The following ZNF225 variants were observed in gnomAD, a reference collection of about 807,000 sequenced individuals.
ZNF225 encodes zinc finger protein 225.
In ZNF225, 6 loss-of-function variants were observed where a neutral mutation model predicts 12.0. The ratio of observed to expected loss-of-function variants is 0.50; its 90% CI spans 0.27 to 0.98. The LOEUF (loss-of-function observed/expected upper bound fraction) is 0.98, where lower values mean the gene tolerates loss of function less well. Among genes scored for constraint, ZNF225 ranks in the 50% least tolerant of loss-of-function variants. ZNF225 has a pLI of 0.11. For missense variants in ZNF225, 763 were observed against 848.2 expected (o/e 0.90, Z 1.25); for synonymous variants, 271 against 283.2 (o/e 0.96, Z 0.43).
chr19:44,133,878 A>AGAT lies in ZNF225; in HGVS notation c.*1144_*1146dup, dbSNP rs1327445528. ...TGATTTTTATAATCAAATCTACTAG[A>AGAT]GATAGATTTGATTTTTATAATCAAA... On this transcript the variant is annotated 3_prime_UTR_variant, in exon 5 of 5. Coordinates refer to ENST00000262894, the MANE Select transcript of ZNF225 (RefSeq NM_013362.4). The AGAT allele has an allele frequency of 2.0e-5, 3 of 147,966 alleles. No individual in the cohort carries two copies. Among genetic ancestry groups the AGAT allele is most frequent in the Non-Finnish European group, 4.5e-5 (3 of 66,428 alleles). 9.2% of individuals were successfully genotyped at this position (147,966 alleles called of 1,614,324 possible).
rs1482949341 is a variant in ZNF225, at chr19:44,118,236, C to T, written c.64C>T (p.Leu22=). The T allele has an allele frequency of 1.8e-5, 29 of 1,613,192 alleles. No individual in the cohort carries two copies. The highest frequency in any genetic ancestry group is 2.1e-5 in the Non-Finnish European group (25 of 1,179,652). The change falls in exon 3 of 5, where the codon CTG becomes TTG. Residue 22 remains leucine (L), a synonymous_variant. Coordinates refer to ENST00000262894, the MANE Select transcript of ZNF225 (RefSeq NM_013362.4). ...GGCTGTGGTCTTCACTGAGGAAGAG[C>T]TGAGGCTGCTGGACCTTGCCCAGAG... The part of the protein sequence containing the change: ...DVAVVFTEEE[L]RLLDLAQRKL...
At chr19:44,112,897 T>C (rs1211270595), upstream of ZNF225, 1 of 152,248 alleles carries the variant, frequency 6.6e-6, no homozygotes, top group South Asian at 2.1e-4. Context: ...ACTCCTGTTA[T>C]CATTGGAGGC....
upstream of ZNF225, chr19:44,112,370 T>G (rs1967849618): frequency 6.6e-6 from 1 of 152,172 alleles, no homozygotes; most frequent in Admixed American, 6.5e-5. Flanking sequence ...GGGGCTGCTT[T>G]TCATTAAAAA....
At chr19:44,120,391 G>T (rs573935603) in intron 4 of ZNF225, among the ~76,000 whole-genome samples, 1 of 152,144 alleles carries the variant, frequency 6.6e-6, no homozygotes, top group Non-Finnish European at 1.5e-5. Context: ...TATTGTTCTG[G>T]TACATGGCAG....
upstream of ZNF225, among the ~76,000 whole-genome samples, chr19:44,112,640 T>G (rs966315006): frequency 4.8e-4 from 73 of 152,212 alleles, no homozygotes; most frequent in Admixed American, 4.8e-3. Context: ...AATGTTAATA[T>G]GAGTATGTAA....
At position 44,134,800 on chromosome 19, in the gene ZNF225, T is replaced by C. The variant is rs1375292723; in HGVS notation, c.*2065T>C. On this transcript the variant is annotated 3_prime_UTR_variant, in exon 5 of 5. Coordinates refer to ENST00000262894, the MANE Select transcript of ZNF225 (RefSeq NM_013362.4). ...CCAACCACGCTGAATATTAAATACC[T>C]AGTTCTATATCTAGTACCCTGAGCT... The C allele has an allele frequency of 6.6e-6, 1 of 152,238 alleles. No homozygotes were observed. The highest frequency in any genetic ancestry group is 2.4e-5 in the African/African-American group (1 of 41,462). The allele number at this position is 152,238 out of a possible 1,614,324, so 9.4% of individuals were successfully genotyped here. A position where few individuals can be genotyped will look rare whatever the true frequency, so the allele number is the denominator to read the frequency against.
chr19:44,130,953 G>C lies in ZNF225; in HGVS notation c.339G>C (p.Arg113Ser). The C allele has an allele frequency of 6.2e-7, 1 of 1,614,084 alleles. No individual in the cohort carries two copies. Among genetic ancestry groups the C allele is most frequent in the Non-Finnish European group, 8.5e-7 (1 of 1,180,006 alleles). ...AACAAATTTCAAGTGACTTAACCAG[G>C]TTTCAAGACTCCATGGTAAACAGCT... ...TWEQISSDLT[R>S]FQDSMVNSFQ... Residue 113 changes from arginine to serine, a missense_variant, in exon 5 of 5, where the codon AGG becomes AGC. Physicochemically the swap from Arg to Ser is moderately radical, Grantham distance 110. Transcript: ENST00000262894.
chr19:44,114,780 G>A (rs761818665), intron 1 of ZNF225, among the ~76,000 whole-genome samples: 12 of 152,192 alleles, frequency 7.9e-5, no homozygotes, highest in Non-Finnish European at 1.2e-4. Context: ...CAAAGTGTGG[G>A]ATTACAGGCA....
chr19:44,127,523 C>CGAT (rs1968173116), intron 4 of ZNF225, among the ~76,000 whole-genome samples: 1 of 152,186 alleles, frequency 6.6e-6, no homozygotes, highest in African/African-American at 2.4e-5. Context: ...CACTGTCCGT[C>CGAT]TGAGTTGGAG....
upstream of ZNF225, chr19:44,113,037 C>T (rs1967861242): frequency 6.6e-6 from 1 of 152,246 alleles, no homozygotes; most frequent in South Asian, 2.1e-4. Flanking sequence ...GATTCGTTCC[C>T]AGTGGGCACC....
intron 4 of ZNF225, among the ~76,000 whole-genome samples, chr19:44,121,208 G>A (rs1452760225): frequency 2.0e-5 from 3 of 152,088 alleles, no homozygotes; most frequent in Non-Finnish European, 4.4e-5. Context: ...TTGCATCCTC[G>A]TAGGTTAGCT....
rs916492533 is a variant in ZNF225 at position 44,132,778 on chromosome 19, A to G, written c.*43A>G. 16 of 1,422,904 alleles carry G rather than the reference A, an allele frequency of 1.1e-5. No individual in the cohort carries two copies. The highest frequency in any genetic ancestry group is 4.6e-4 in the Middle Eastern group (2 of 4,338). 88.1% of individuals were successfully genotyped at this position (1,422,904 alleles called of 1,614,324 possible). The stretch of plus-strand genomic sequence containing the variant: ...GGGGTACAGTGTGATAGTTAATGCA[A>G]GTATACAATGTGTAATGATCAAATC... On this transcript the variant is annotated 3_prime_UTR_variant, in exon 5 of 5. Coordinates refer to ENST00000262894, the MANE Select transcript of ZNF225 (RefSeq NM_013362.4).
chr19:44,127,404 C>A (rs933516680), intron 4 of ZNF225, among the ~76,000 whole-genome samples: 1 of 152,176 alleles, frequency 6.6e-6, no homozygotes, highest in Non-Finnish European at 1.5e-5. Context: ...CAGGGTCCTG[C>A]AGGAGCAGTC....
rs1378742039 is a variant in ZNF225 at position 44,131,791 on chromosome 19, G to A, written c.1177G>A (p.Val393Ile). The change falls in exon 5 of 5, where the codon GTC (valine) becomes ATC (isoleucine). Residue 393 changes from valine (V) to isoleucine (I), a missense_variant. Transcript: ENST00000262894. ...CTCAGGTCTTTCAAGACATGTGCGAGTCCACAGTGGAGAGACAACATTCAA... is the reference window on the plus strand; with the variant it reads ...CTCAGGTCTTTCAAGACATGTGCGAATCCACAGTGGAGAGACAACATTCAA... ...WASGLSRHVRVHSGETTFKCE... is the reference protein window; with the variant it reads ...WASGLSRHVRIHSGETTFKCE... 1 of 1,614,022 alleles carries A rather than the reference G, an allele frequency of 6.2e-7. No homozygotes were observed. The highest frequency in any genetic ancestry group is 2.2e-5 in the East Asian group (1 of 44,882).
intron 4 of ZNF225, among the ~76,000 whole-genome samples, chr19:44,127,659 A>C (rs1332617461): frequency 6.6e-6 from 1 of 151,732 alleles, no homozygotes; most frequent in Non-Finnish European, 1.5e-5. Flanking sequence ...ATTTTATTTT[A>C]TTTTTTGAGA....
chr19:44,112,296 T>C (rs1967847740), upstream of ZNF225: 1 of 152,148 alleles, frequency 6.6e-6, no homozygotes, highest in South Asian at 2.1e-4. Flanking sequence ...GCACAACTGC[T>C]GGTATCTATG....
At chr19:44,118,127 C>CAGTGATG in intron 2 of ZNF225, 61 bp from the exon 3 acceptor site, 1 of 1,565,862 alleles carries the variant, frequency 6.4e-7, no homozygotes, top group Non-Finnish European at 8.6e-7. Context: ...CTGCTCAGTG[C>CAGTGATG]CACCCCTCTC....
intron 4 of ZNF225, 118 bp downstream of exon 4, chr19:44,118,692 C>T (rs1465876138): frequency 1.2e-5 from 13 of 1,046,930 alleles, no homozygotes; most frequent in African/African-American, 3.3e-5. Flanking sequence ...TGAATTATTA[C>T]AGCTGACTTT....
At position 44,115,774 on chromosome 19, in the gene ZNF225, T is replaced by C; in HGVS notation, c.-54T>C. 1.3e-6 allele frequency: 2 copies of C among 1,567,570 alleles called. No homozygotes were observed. The highest frequency in any genetic ancestry group is 1.7e-6 in the Non-Finnish European group (2 of 1,156,048). The stretch of plus-strand genomic sequence containing the variant: ...GTACTTTCCAGGCAGGATTCTGCTT[T>C]CCCTTGGACTGTATCACTCAGGACT... On this transcript the variant is annotated 5_prime_UTR_variant, in exon 2 of 5. Transcript: ENST00000262894.
Sources: gnomAD v4.1 joint callset for allele counts (sites outside exome capture counted in the v4.1 genomes callset) on GRCh38, gnomAD v4.1.1 for gene constraint, MANE v1.5 for transcripts, NCBI Gene and HGNC (gene_info 2026-07-23, HGNC 2026-07-21) for gene names.